Variants in DIS3L2 observed in about 807,000 individuals in gnomAD.
The protein encoded by DIS3L2 is DIS3 like 3'-5' exoribonuclease 2, also known as DIS3-like exonuclease 2.
Under a neutral mutation model 97.5 loss-of-function variants are expected in DIS3L2, and 34 were observed. That is an observed-to-expected ratio of 0.35 (90% CI 0.27 to 0.46). The LOEUF is 0.46. Ranked by LOEUF, DIS3L2 falls within the 20% of genes least tolerant of loss-of-function variation. DIS3L2 has a pLI of 1.00. For synonymous variants in DIS3L2, 435 were observed against 445.2 expected (o/e 0.98, Z 0.29); for missense variants, 1,038 against 1,146.0 (o/e 0.91, Z 1.36).
At chr2:232,050,874 A>T (rs1027996640) in intron 5 of DIS3L2, among the ~76,000 whole-genome samples, 1 of 152,254 alleles carries the variant, frequency 6.6e-6, no homozygotes, top group Non-Finnish European at 1.5e-5. Flanking sequence ...TTTAACAGAG[A>T]TCTGAGCACA....
intron 13 of DIS3L2, among the ~76,000 whole-genome samples, chr2:232,282,010 C>G (rs1372531968): frequency 6.6e-6 from 1 of 152,018 alleles, no homozygotes; most frequent in Non-Finnish European, 1.5e-5. Context: ...CCCATGAAAG[C>G]CTCCATCCCC....
At chr2:231,977,040 C>A (rs751680860) in intron 1 of DIS3L2, among the ~76,000 whole-genome samples, 9 of 152,156 alleles carry the variant, frequency 5.9e-5, no homozygotes, top group South Asian at 2.1e-4. Flanking sequence ...CCTGGGATTA[C>A]GGGTGTGAGC....
Position 232,253,488 on chromosome 2 carries a change from A to G in DIS3L2, c.1425+4142A>G, listed in dbSNP as rs867139490. Among the ~76,000 whole-genome samples the G allele has an allele frequency of 2.6e-5, 4 of 152,356 alleles. No individual in the cohort carries two copies. The South Asian group carries it at 6.2e-4, about 24-fold the overall frequency. ...AAGTTTGGGGTAGATTAATATACAT[A>G]GCACACAGAAAAACCAAGCAAATAA... On this transcript the variant is annotated intron_variant, in intron 12 of 20. Coordinates refer to ENST00000325385, the MANE Select transcript of DIS3L2 (RefSeq NM_152383.5).
intron 12 of DIS3L2, among the ~76,000 whole-genome samples, chr2:232,261,990 C>T (rs1693722525): frequency 6.6e-6 from 1 of 152,206 alleles, no homozygotes; most frequent in Non-Finnish European, 1.5e-5. Context: ...ATGCCTGTCT[C>T]ATAGCAATTG....
chr2:232,343,448 C>T (rs1696158719), exon 14 of DIS3L2: 1 of 1,555,926 alleles, frequency 6.4e-7, no homozygotes, highest in Non-Finnish European at 8.7e-7. Context: ...CTGCCTGAGA[C>T]TCGGGGCATA....
chr2:232,052,243 C>T (rs2106265398), intron 5 of DIS3L2, among the ~76,000 whole-genome samples: 1 of 152,206 alleles, frequency 6.6e-6, no homozygotes, highest in South Asian at 2.1e-4. Context: ...AGGCTGGTCT[C>T]GAACTCCTGA....
rs1193223001 is a variant in DIS3L2, at chr2:232,058,233, TC to T, written c.366+28154del. Among the ~76,000 whole-genome samples, 63 of 152,352 alleles carry T rather than the reference TC, an allele frequency of 4.1e-4. 1 individual carries two copies. Among genetic ancestry groups the T allele is most frequent in the Non-Finnish European group, 8.8e-5 (6 of 68,034 alleles). Reference sequence around the variant, plus strand: ...TTGAAGCTGGAGATGTAATGATTTTTCACTTTCTTATTTCAAAATTGATGAA... The same window carrying T: ...TTGAAGCTGGAGATGTAATGATTTTTACTTTCTTATTTCAAAATTGATGAA... On this transcript the variant is annotated intron_variant, in intron 5 of 20. Transcript: ENST00000325385.
At chr2:231,974,799 C>T (rs1162697234) in intron 1 of DIS3L2, among the ~76,000 whole-genome samples, 1 of 152,024 alleles carries the variant, frequency 6.6e-6, no homozygotes, top group African/African-American at 2.4e-5. Context: ...GTATTATAAT[C>T]TTCTGATCTC....
intron 6 of DIS3L2, among the ~76,000 whole-genome samples, chr2:232,126,159 C>G (rs1559655058): frequency 6.6e-6 from 1 of 152,104 alleles, no homozygotes; most frequent in Non-Finnish European, 1.5e-5. Context: ...TTCCAGGGTT[C>G]TATCAAATTC....
intron 9 of DIS3L2, among the ~76,000 whole-genome samples, chr2:232,190,597 A>G (rs1691591156): frequency 6.6e-6 from 1 of 151,778 alleles, no homozygotes; most frequent in Non-Finnish European, 1.5e-5. Context: ...AGAGAGGAAG[A>G]GAGGAAGGAA....
chr2:232,302,032 A>C (rs1446819666), intron 14 of DIS3L2, among the ~76,000 whole-genome samples: 1 of 152,066 alleles, frequency 6.6e-6, no homozygotes, highest in South Asian at 2.1e-4. Context: ...AGACCAAGCA[A>C]TGTAAGAAGA....
chr2:232,083,178 G>A (rs1055673200), intron 5 of DIS3L2, among the ~76,000 whole-genome samples: 6 of 151,598 alleles, frequency 4.0e-5, no homozygotes, highest in East Asian at 3.9e-4. Context: ...AAACCATGTC[G>A]CCTTCTCTTC....
At chr2:232,278,300 TA>T (rs2106297862) in intron 13 of DIS3L2, among the ~76,000 whole-genome samples, 1 of 151,900 alleles carries the variant, frequency 6.6e-6, no homozygotes, top group East Asian at 1.9e-4. Flanking sequence ...CACATTTAGC[TA>T]AAAGCACTTT....
chr2:232,070,830 C>T (rs1216375323), intron 5 of DIS3L2, among the ~76,000 whole-genome samples: 3 of 152,030 alleles, frequency 2.0e-5, no homozygotes, highest in African/African-American at 7.3e-5. Flanking sequence ...TGATCTGCCC[C>T]CCTCGGCCTC....
chr2:232,329,785 T>TCCCGGGGCCC, intron 14 of DIS3L2, 28 bp from the exon 15 acceptor site: 12 of 967,130 alleles, frequency 1.2e-5, no homozygotes, highest in East Asian at 6.2e-5. Flanking sequence ...ACCCCAGCGG[T>TCCCGGGGCCC]CCCTCCCATC....
At chr2:232,194,658 A>C (rs1202674633) in intron 9 of DIS3L2, among the ~76,000 whole-genome samples, 2 of 152,242 alleles carry the variant, frequency 1.3e-5, no homozygotes, top group Non-Finnish European at 2.9e-5. Flanking sequence ...GGCAGGAAAG[A>C]AAGAGAGGAG....
intron 6 of DIS3L2, among the ~76,000 whole-genome samples, chr2:232,128,014 G>A (rs919781725): frequency 3.3e-5 from 5 of 151,716 alleles, no homozygotes; most frequent in African/African-American, 9.7e-5. Context: ...GCGGTGGCAC[G>A]ATCCTGATTC....
rs1237713171 is a variant in DIS3L2 at position 232,292,433 on chromosome 2, G to A, written c.1660-7607G>A. Among the ~76,000 whole-genome samples, 8 of 152,134 alleles carry A rather than the reference G, an allele frequency of 5.3e-5. No homozygotes were observed. The highest frequency in any genetic ancestry group is 2.0e-4 in the Admixed American group (3 of 15,278). On this transcript the variant is annotated intron_variant, in intron 13 of 20. Transcript: ENST00000325385. This position sits in a 1 kb window ranked among gnomAD's most constrained non-coding sequence, Gnocchi z 4.4. ...GTCATCCTACCCAGAAAGCTCAGACGGGCGGAAGGAGGGCCTCTCAAAGGC... is the reference window on the plus strand; with the variant it reads ...GTCATCCTACCCAGAAAGCTCAGACAGGCGGAAGGAGGGCCTCTCAAAGGC...
At chr2:232,326,444 T>G (rs1412901544) in intron 14 of DIS3L2, among the ~76,000 whole-genome samples, 1 of 152,148 alleles carries the variant, frequency 6.6e-6, no homozygotes, top group Non-Finnish European at 1.5e-5. Flanking sequence ...GGGACCCACC[T>G]TCCAGCCACC....
Sources: allele counts gnomAD v4.1 joint callset (sites outside exome capture counted in the v4.1 genomes callset), GRCh38; gene constraint gnomAD v4.1.1; non-coding constraint Gnocchi (gnomAD v3.1); transcripts MANE v1.5; gene names NCBI Gene and HGNC (gene_info 2026-07-23, HGNC 2026-07-21).